GREB1L: variants seen among roughly 807,000 people sequenced by gnomAD.
The protein encoded by GREB1L is GREB1 like retinoic acid receptor coactivator.
A neutral mutation model predicts 200.8 loss-of-function variants in GREB1L; 17 were observed. That is an observed-to-expected ratio of 0.08 (90% CI 0.06 to 0.13). The LOEUF (loss-of-function observed/expected upper bound fraction) is 0.13. Ranked by LOEUF, GREB1L falls within the 10% of genes least tolerant of loss-of-function variation. The pLI, the probability that GREB1L is intolerant of heterozygous loss-of-function variation, is 1.00. For missense variants in GREB1L, 1,657 were observed against 2,367.7 expected (o/e 0.70, Z 6.23); for synonymous variants, 789 against 893.0 (o/e 0.88, Z 2.08).
chr18:21,444,976 G>A (rs534203369), intron 11 of GREB1L, among the ~76,000 whole-genome samples: 4 of 152,296 alleles, frequency 2.6e-5, no homozygotes, highest in African/African-American at 7.2e-5. Flanking sequence ...TATAGGGTAA[G>A]GGGGATATGT....
chr18:21,255,570 A>G (rs1278086083), intron 1 of GREB1L, among the ~76,000 whole-genome samples: 1 of 152,178 alleles, frequency 6.6e-6, no homozygotes, highest in Non-Finnish European at 1.5e-5. Context: ...CCCTAGGAAT[A>G]GGCCCTGAGC....
At chr18:21,391,874 A>G (rs920403787) in intron 4 of GREB1L, among the ~76,000 whole-genome samples, 2 of 152,140 alleles carry the variant, frequency 1.3e-5, no homozygotes, top group Admixed American at 6.5e-5. Context: ...CAGTGGTGCA[A>G]TCTCGGCTCA....
At chr18:21,268,868 G>A (rs1472129948) in intron 1 of GREB1L, among the ~76,000 whole-genome samples, 1 of 151,814 alleles carries the variant, frequency 6.6e-6, no homozygotes, top group African/African-American at 2.4e-5. Flanking sequence ...ACAGGTGTGA[G>A]CCACTGTGCC....
chr18:21,352,547 C>A (rs2039449398), intron 1 of GREB1L, among the ~76,000 whole-genome samples: 1 of 151,892 alleles, frequency 6.6e-6, no homozygotes, highest in African/African-American at 2.4e-5. Context: ...AATTCCCATG[C>A]CTCAGCCACC....
chr18:21,276,924 CTTTTTTTTTTTTTTTT>C (rs573871373), intron 1 of GREB1L, among the ~76,000 whole-genome samples: 1 of 107,670 alleles, frequency 9.3e-6, no homozygotes, highest in African/African-American at 4.0e-5. Flanking sequence ...CAGCCCAGCC[CTTTTTTTTTTTTTTTT>C]TTTTTTTTTA....
intron 19 of GREB1L, among the ~76,000 whole-genome samples, chr18:21,491,439 G>A (rs1362349851): frequency 2.0e-5 from 3 of 152,186 alleles, no homozygotes; most frequent in Non-Finnish European, 2.9e-5. Flanking sequence ...GCTGGGCGCA[G>A]TGGCTCATGC....
Position 21,522,992 on chromosome 18 carries a change from A to C in GREB1L, c.*171A>C. ...TCTGATCCAGGTCTTTGGGGACATC[A>C]CTTTCCTTCAGTTCCAATTACAGGA... On this transcript the variant is annotated 3_prime_UTR_variant, in exon 33 of 33. Coordinates refer to ENST00000424526, the MANE Select transcript of GREB1L (RefSeq NM_001142966.3). 1 of 581,846 alleles carries C rather than the reference A, an allele frequency of 1.7e-6. No individual in the cohort carries two copies. The highest frequency in any genetic ancestry group is 3.0e-5 in the East Asian group (1 of 33,566). 36.0% of individuals were successfully genotyped at this position (581,846 alleles called of 1,614,324 possible).
At chr18:21,279,054 CA>C (rs2038222507) in intron 1 of GREB1L, among the ~76,000 whole-genome samples, 1 of 151,998 alleles carries the variant, frequency 6.6e-6, no homozygotes. Context: ...ATCATTAAGA[CA>C]TTACCAAATC....
chr18:21,457,559 A>T (rs550876063), intron 15 of GREB1L, among the ~76,000 whole-genome samples: 1 of 152,236 alleles, frequency 6.6e-6, no homozygotes. Context: ...CTAGTGTTCC[A>T]CCTCTCTTCC....
At position 21,451,143 on chromosome 18, in the gene GREB1L, C is replaced by T; in HGVS notation, c.1841C>T (p.Thr614Ile). 2 of 1,551,632 alleles carry T rather than the reference C, an allele frequency of 1.3e-6. No individual in the cohort carries two copies. The highest frequency in any genetic ancestry group is 2.0e-5 in the Admixed American group (1 of 50,986). ...TTCCTGGCATCACATTTCAAAACCA[C>T]ATCATTAGGTGAGTGGTTGTAAGAT... is the stretch of plus-strand genomic sequence containing the variant. ...VSFLASHFKT[T>I]SLGDDLDKLL... is the part of the protein sequence containing the mutation. The change falls in exon 13 of 33, where the codon ACA becomes ATA. Residue 614 changes from threonine to isoleucine, a missense_variant. Coordinates refer to ENST00000424526, the MANE Select transcript of GREB1L (RefSeq NM_001142966.3).
intron 1 of GREB1L, among the ~76,000 whole-genome samples, chr18:21,349,864 A>G (rs972352526): frequency 6.6e-6 from 1 of 152,150 alleles, no homozygotes; most frequent in African/African-American, 2.4e-5. Flanking sequence ...AATAAATGTA[A>G]TGGGCTTCAG....
intron 4 of GREB1L, among the ~76,000 whole-genome samples, chr18:21,385,398 A>T (rs1316141589): frequency 6.6e-6 from 1 of 151,080 alleles, no homozygotes; most frequent in African/African-American, 2.4e-5. Flanking sequence ...ACAATGTGAT[A>T]AACCGTAAAG....
Position 21,506,857 on chromosome 18 carries a change from G to T in GREB1L, c.4368+908G>T, listed in dbSNP as rs183992838. Among the ~76,000 whole-genome samples, 5 of 152,276 alleles carry T rather than the reference G, an allele frequency of 3.3e-5. 1 individual carries two copies. Among genetic ancestry groups the T allele is most frequent in the Admixed American group, 2.0e-4 (3 of 15,284 alleles). On this transcript the variant is annotated intron_variant, in intron 25 of 32. Transcript: ENST00000424526. ...TAGTGCATCTTTAAGCACAAAAGATGGAAAGGCAACAAATGATAGTAATAT... is the reference window on the plus strand; with the variant it reads ...TAGTGCATCTTTAAGCACAAAAGATTGAAAGGCAACAAATGATAGTAATAT...
chr18:21,315,941 G>A (rs367995008), intron 1 of GREB1L, among the ~76,000 whole-genome samples: 3 of 152,088 alleles, frequency 2.0e-5, no homozygotes, highest in Admixed American at 6.5e-5. Flanking sequence ...TCTGTGACCC[G>A]ACCCTCCCCC....
At chr18:21,393,427 G>A (rs149377266) in intron 4 of GREB1L, among the ~76,000 whole-genome samples, 1 of 151,826 alleles carries the variant, frequency 6.6e-6, no homozygotes, top group East Asian at 1.9e-4. Flanking sequence ...CTCCCAAGTA[G>A]CTGGGATTAC....
chr18:21,435,920 C>T (rs1280454875), intron 7 of GREB1L, among the ~76,000 whole-genome samples: 2 of 152,104 alleles, frequency 1.3e-5, no homozygotes, highest in African/African-American at 4.8e-5. Flanking sequence ...TTTCAGTCGT[C>T]TCGGTGACAA....
At chr18:21,267,195 T>C (rs2037984109) in intron 1 of GREB1L, among the ~76,000 whole-genome samples, 1 of 145,254 alleles carries the variant, frequency 6.9e-6, no homozygotes. Flanking sequence ...GCCGCTTTTT[T>C]TTTTTTTTTT....
At chr18:21,504,058 C>T (rs1288654433) in intron 23 of GREB1L, among the ~76,000 whole-genome samples, 1 of 5,118 alleles carries the variant, frequency 2.0e-4, no homozygotes, top group Non-Finnish European at 0.018. Context: ...TCTTAGCCTC[C>T]TGAGTAGCTG....
At chr18:21,377,248 G>A (rs1379311943) in intron 2 of GREB1L, among the ~76,000 whole-genome samples, 1 of 151,938 alleles carries the variant, frequency 6.6e-6, no homozygotes, top group East Asian at 1.9e-4. Flanking sequence ...AGAAAGTGGG[G>A]CTAGAGAGGT....
Sources: allele counts gnomAD v4.1 joint callset (sites outside exome capture counted in the v4.1 genomes callset), GRCh38; gene constraint gnomAD v4.1.1; transcripts MANE v1.5; gene names NCBI Gene and HGNC (gene_info 2026-07-23, HGNC 2026-07-21).